Variants in CAST observed in about 807,000 individuals in gnomAD.
CAST encodes the protein calpastatin.
A neutral mutation model predicts 119.6 loss-of-function variants in CAST; 76 were observed. The ratio of observed to expected loss-of-function variants is 0.64; its 90% confidence interval spans 0.53 to 0.77. The LOEUF (loss-of-function observed/expected upper bound fraction) is 0.77. Among genes scored for constraint, CAST ranks in the 30% least tolerant of loss-of-function variants. The pLI, the probability that CAST is intolerant of heterozygous loss-of-function variation, is 0.00. For synonymous variants in CAST, 319 were observed against 331.6 expected (o/e 0.96, Z 0.41); for missense variants, 953 against 946.5 (o/e 1.01, Z -0.09).
the CAST span, among the ~76,000 whole-genome samples, chr5:95,995,129 AGCAC>A: frequency 6.6e-5 from 10 of 152,116 alleles, no homozygotes; most frequent in African/African-American, 2.4e-4. Context: ...TGTGAGCTTA[AGCAC>A]AAAGGAGGCA....
chr5:96,558,839 C>T (rs1326188518), intron 1 of CAST, among the ~76,000 whole-genome samples: 2 of 152,170 alleles, frequency 1.3e-5, no homozygotes, highest in Non-Finnish European at 2.9e-5. Context: ...TAGAGGGAAT[C>T]CTCCCTAACT....
At chr5:96,550,664 C>A (rs1746110200) in intron 1 of CAST, among the ~76,000 whole-genome samples, 1 of 152,088 alleles carries the variant, frequency 6.6e-6, no homozygotes, top group East Asian at 1.9e-4. Flanking sequence ...AGCTAAAAAT[C>A]TTGAAAAAAG....
the CAST span, among the ~76,000 whole-genome samples, chr5:96,366,470 A>C: frequency 6.6e-6 from 1 of 152,194 alleles, no homozygotes; most frequent in African/African-American, 2.4e-5. Flanking sequence ...TACACCAATG[A>C]GACGTAGATT....
At chr5:96,605,782 A>G (rs1747242421) in intron 1 of CAST, among the ~76,000 whole-genome samples, 1 of 152,240 alleles carries the variant, frequency 6.6e-6, no homozygotes, top group Admixed American at 6.5e-5. Context: ...CATTATTTAT[A>G]AAACATTAAT....
At chr5:96,511,674 G>A in the CAST span, among the ~76,000 whole-genome samples, 1 of 152,180 alleles carries the variant, frequency 6.6e-6, no homozygotes, top group Non-Finnish European at 1.5e-5. Context: ...ACCTTTCTTA[G>A]CCAATTTTAC....
At chr5:96,453,084 C>CT in the CAST span, among the ~76,000 whole-genome samples, 1 of 150,708 alleles carries the variant, frequency 6.6e-6, no homozygotes, top group African/African-American at 2.5e-5. Flanking sequence ...AAAAAAAAAT[C>CT]TGTTTATTTC....
At chr5:95,995,781 G>A in the CAST span, among the ~76,000 whole-genome samples, 125 of 152,062 alleles carry the variant, frequency 8.2e-4, no homozygotes, top group Non-Finnish European at 1.5e-3. Flanking sequence ...GTGTTGTGAG[G>A]TGCACATCCC....
the CAST span, among the ~76,000 whole-genome samples, chr5:96,149,166 TG>T: frequency 6.6e-6 from 1 of 152,178 alleles, no homozygotes; most frequent in Non-Finnish European, 1.5e-5. Flanking sequence ...AGAAGGGAAT[TG>T]GGGAATGAGA....
At chr5:96,706,475 G>A (rs73774400) in intron 3 of CAST, among the ~76,000 whole-genome samples, 2,962 of 152,246 alleles carry the variant, frequency 0.019, 93 homozygotes, top group African/African-American at 0.067. Flanking sequence ...AGAGGGTTGA[G>A]GTTAAGCTTG....
At chr5:96,003,945 T>C in the CAST span, among the ~76,000 whole-genome samples, 2 of 152,204 alleles carry the variant, frequency 1.3e-5, no homozygotes, top group Non-Finnish European at 2.9e-5. Flanking sequence ...AATACAGTCA[T>C]CTTTTTTTCA....
chr5:96,722,495 C>T (rs1758466331), intron 3 of CAST, 144 bp from the exon 4 acceptor site: 1 of 636,992 alleles, frequency 1.6e-6, no homozygotes, highest in South Asian at 1.9e-5. Context: ...CTACTGGACA[C>T]CACCTCCTAC....
At chr5:96,293,363 C>T in the CAST span, among the ~76,000 whole-genome samples, 2 of 152,192 alleles carry the variant, frequency 1.3e-5, no homozygotes, top group Admixed American at 6.5e-5. Context: ...ACTGCAACCT[C>T]CACCTTCCGT....
intron 2 of CAST, among the ~76,000 whole-genome samples, chr5:96,691,224 G>A (rs1752690144): frequency 2.0e-5 from 3 of 152,250 alleles, no homozygotes; most frequent in Admixed American, 2.0e-4. Flanking sequence ...GCAGTCTGTT[G>A]TTGAGTGAAA....
the CAST span, among the ~76,000 whole-genome samples, chr5:95,969,896 G>C: frequency 1.3e-5 from 2 of 152,152 alleles, no homozygotes; most frequent in African/African-American, 2.4e-5. Flanking sequence ...AGTTTTCTGA[G>C]GGAGGTTATG....
intron 3 of CAST, among the ~76,000 whole-genome samples, chr5:96,698,330 A>G (rs1753535252): frequency 6.6e-6 from 1 of 152,166 alleles, no homozygotes; most frequent in Non-Finnish European, 1.5e-5. Context: ...AGTGGAGATG[A>G]TTTAGCTATA....
chr5:96,296,250 T>C, the CAST span, among the ~76,000 whole-genome samples: 1 of 152,208 alleles, frequency 6.6e-6, no homozygotes, highest in East Asian at 1.9e-4. Context: ...TTTATTTCTC[T>C]ACATCATGGT....
At chr5:96,542,302 T>G (rs1297076722) in intron 1 of CAST, among the ~76,000 whole-genome samples, 1 of 43,884 alleles carries the variant, frequency 2.3e-5, no homozygotes, top group Non-Finnish European at 4.7e-5. Flanking sequence ...CAGCAAGACT[T>G]AGTCTCAAAA....
At chr5:96,685,918 G>A (rs184973373) in intron 2 of CAST, among the ~76,000 whole-genome samples, 100 of 152,314 alleles carry the variant, frequency 6.6e-4, no homozygotes, top group East Asian at 1.3e-3. Flanking sequence ...AGCATGGTGC[G>A]TAGCACACAT....
chr5:96,752,466 T>C, intron 20 of CAST, among the ~76,000 whole-genome samples: 1 of 151,630 alleles, frequency 6.6e-6, no homozygotes, highest in East Asian at 1.9e-4. Context: ...GTGCAACTCT[T>C]GATATCCTTG....
Sources: gnomAD v4.1 joint callset for allele counts (sites outside exome capture counted in the v4.1 genomes callset) on GRCh38, gnomAD v4.1.1 for gene constraint, MANE v1.5 for transcripts, NCBI Gene and HGNC (gene_info 2026-07-23, HGNC 2026-07-21) for gene names.